The following HACE1 variants were observed in gnomAD, a reference collection of about 807,000 sequenced individuals.
HACE1 encodes the protein HECT domain and ankyrin repeat containing E3 ubiquitin protein ligase 1.
Under a neutral mutation model 118.4 loss-of-function variants are expected in HACE1, and 73 were observed. The observed-to-expected ratio is 0.62, with a 90% confidence interval of 0.51 to 0.75. The LOEUF is 0.75. HACE1 is among the 30% of genes least tolerant of loss of function. The pLI, the probability that HACE1 is intolerant of heterozygous loss-of-function variation, is 0.00. For synonymous variants in HACE1, 368 were observed against 374.8 expected, an observed-to-expected ratio of 0.98 and a Z score of 0.21; for missense variants, 749 against 1,102.2, an observed-to-expected ratio of 0.68 and a Z score of 4.54.
Position 104,811,397 on chromosome 6 carries a change from AG to A in HACE1, c.535-5del. 8 of 1,393,720 alleles carry A rather than the reference AG, an allele frequency of 5.7e-6. No individual in the cohort carries two copies. Among genetic ancestry groups the A allele is most frequent in the South Asian group, 1.2e-5 (1 of 86,762 alleles). The allele number at this position is 1,393,720 out of a possible 1,614,324, so 86.3% of individuals were successfully genotyped here. A position where few individuals can be genotyped will look rare whatever the true frequency, so the allele number is the denominator to read the frequency against. On this transcript the variant is annotated splice_region_variant and splice_polypyrimidine_tract_variant and intron_variant, in intron 6 of 23. Transcript: ENST00000262903. ...TGTCTAGCAAGCACTGCACTGTCTGAGGGGGAAAAAATAATTAAAAGTAAAG... is the reference window on the plus strand; with the variant it reads ...TGTCTAGCAAGCACTGCACTGTCTGAGGGGAAAAAATAATTAAAAGTAAAG...
chr6:104,773,120 T>G (rs1458312104), intron 17 of HACE1, among the ~76,000 whole-genome samples: 1 of 152,196 alleles, frequency 6.6e-6, no homozygotes, highest in East Asian at 1.9e-4. Context: ...CTTTTCCTAT[T>G]TTTCCTATTT....
At chr6:104,794,094 G>T (rs1031601653) in intron 10 of HACE1, among the ~76,000 whole-genome samples, 10 of 152,048 alleles carry the variant, frequency 6.6e-5, no homozygotes, top group African/African-American at 2.4e-4. Flanking sequence ...ATAAATCCAG[G>T]TTTATTTATT....
At chr6:104,784,512 T>A in intron 12 of HACE1, 27 bp from the exon 13 acceptor site, 1 of 1,519,228 alleles carries the variant, frequency 6.6e-7, no homozygotes, top group Non-Finnish European at 9.1e-7. Flanking sequence ...TCAATCAGAA[T>A]ACACAGGCAA....
intron 10 of HACE1, among the ~76,000 whole-genome samples, chr6:104,793,955 T>TC (rs1431628281): frequency 6.6e-6 from 1 of 152,188 alleles, no homozygotes; most frequent in Non-Finnish European, 1.5e-5. Context: ...CAGAGTAATT[T>TC]TTTAAAAACT....
intron 4 of HACE1, among the ~76,000 whole-genome samples, chr6:104,846,528 A>G (rs1775685935): frequency 6.6e-6 from 1 of 152,260 alleles, no homozygotes; most frequent in African/African-American, 2.4e-5. Context: ...TGCTCTGTGG[A>G]AGCTTAATGG....
At chr6:104,729,826 C>G in intron 23 of HACE1, 62 bp from the exon 24 acceptor site, 1 of 807,280 alleles carries the variant, frequency 1.2e-6, no homozygotes, top group East Asian at 2.5e-5. Flanking sequence ...ATTGTTTTGC[C>G]TAGCAGTGAA....
chr6:104,859,199 C>T (rs1377922713), intron 1 of HACE1, among the ~76,000 whole-genome samples: 2 of 152,242 alleles, frequency 1.3e-5, no homozygotes, highest in East Asian at 3.9e-4. Context: ...TCATCTCTAT[C>T]CCCAGCTACT....
chr6:104,858,806 C>T (rs1777004698), intron 1 of HACE1, among the ~76,000 whole-genome samples: 1 of 152,170 alleles, frequency 6.6e-6, no homozygotes, highest in Non-Finnish European at 1.5e-5. Flanking sequence ...GTCTGAATTC[C>T]TGACGCTGCA....
chr6:104,785,703 T>C (rs2114801793), intron 11 of HACE1: 1 of 164,794 alleles, frequency 6.1e-6, no homozygotes, highest in Non-Finnish European at 1.3e-5. Flanking sequence ...TGTCAACCAC[T>C]TTCAATTAAA....
At chr6:104,780,312 A>G in intron 14 of HACE1, 1 of 444,164 alleles carries the variant, frequency 2.3e-6, no homozygotes, top group Non-Finnish European at 4.5e-6. Context: ...ACACCTACAC[A>G]GCCAAATGGT....
chr6:104,810,994 A>G (rs1771538993), intron 7 of HACE1, among the ~76,000 whole-genome samples: 1 of 151,964 alleles, frequency 6.6e-6, no homozygotes, highest in South Asian at 2.1e-4. Flanking sequence ...CTAAAATTGA[A>G]GTAATCAAGC....
At chr6:104,854,611 A>G (rs1776543307) in intron 1 of HACE1, among the ~76,000 whole-genome samples, 1 of 152,216 alleles carries the variant, frequency 6.6e-6, no homozygotes, top group Admixed American at 6.5e-5. Flanking sequence ...TTCAAAAAAA[A>G]AAACTGTAAA....
intron 7 of HACE1, among the ~76,000 whole-genome samples, chr6:104,803,514 C>A (rs572264802): frequency 1.5e-4 from 23 of 152,286 alleles, no homozygotes; most frequent in African/African-American, 5.5e-4. Context: ...AGCTTATCCA[C>A]CACGATCAAG....
At chr6:104,825,081 CAAAA>C (rs575106170) in intron 6 of HACE1, among the ~76,000 whole-genome samples, 3 of 92,776 alleles carry the variant, frequency 3.2e-5, no homozygotes. Context: ...GACTCCGTCT[CAAAA>C]AAAAAAAAAA....
intron 22 of HACE1, among the ~76,000 whole-genome samples, chr6:104,743,338 T>C (rs1777034885): frequency 6.6e-6 from 1 of 151,790 alleles, no homozygotes; most frequent in Non-Finnish European, 1.5e-5. Flanking sequence ...TATATATGTA[T>C]TTTATGTAGA....
At chr6:104,855,527 G>A (rs1776635854) in intron 1 of HACE1, among the ~76,000 whole-genome samples, 1 of 151,894 alleles carries the variant, frequency 6.6e-6, no homozygotes, top group Admixed American at 6.6e-5. Context: ...TAACCAGAAG[G>A]TCTACAATAG....
chr6:104,848,262 C>G (rs1775855919), intron 4 of HACE1, among the ~76,000 whole-genome samples: 1 of 151,200 alleles, frequency 6.6e-6, no homozygotes, highest in Non-Finnish European at 1.5e-5. Flanking sequence ...TCGAGACCAT[C>G]CTGGCCAACA....
chr6:104,795,794 C>A (rs955827743), intron 9 of HACE1, 109 bp from the exon 10 acceptor site: 5 of 687,412 alleles, frequency 7.3e-6, no homozygotes, highest in African/African-American at 1.8e-5. Flanking sequence ...TAAATCAAGT[C>A]CTTTAGTTAT....
At chr6:104,797,804 C>T (rs1021195913) in intron 7 of HACE1, among the ~76,000 whole-genome samples, 5 of 152,048 alleles carry the variant, frequency 3.3e-5, no homozygotes, top group Admixed American at 2.6e-4. Context: ...CATGGTGGCT[C>T]ACACCTGTAA....
Sources: allele counts gnomAD v4.1 joint callset (sites outside exome capture counted in the v4.1 genomes callset), GRCh38; gene constraint gnomAD v4.1.1; transcripts MANE v1.5; gene names NCBI Gene and HGNC (gene_info 2026-07-23, HGNC 2026-07-21).